The following HS6ST3 variants were observed in gnomAD, a reference collection of about 807,000 sequenced individuals.
The protein encoded by HS6ST3 is heparan-sulfate 6-O-sulfotransferase 3.
Under a neutral mutation model 36.7 loss-of-function variants are expected in HS6ST3, and 12 were observed. That is an observed-to-expected ratio of 0.33 (90% confidence interval 0.21 to 0.53). HS6ST3 has a LOEUF of 0.53. Ranked by LOEUF, HS6ST3 falls within the 20% of genes least tolerant of loss-of-function variation. The probability of loss-of-function intolerance (pLI) is 0.95; values close to 1 mark genes in which losing one functional copy is unlikely to be tolerated. For synonymous variants in HS6ST3, 240 were observed against 257.5 expected (o/e 0.93, Z 0.65); for missense variants, 584 against 640.9 (o/e 0.91, Z 0.96).
chr13:96,367,393 G>T (rs1925104), intron 1 of HS6ST3, among the ~76,000 whole-genome samples: 59,525 of 151,882 alleles, frequency 0.39, 12,331 homozygotes, highest in African/African-American at 0.52. Context: ...ATTTTTGCAC[G>T]GCTTCTTTCA....
chr13:96,379,279 G>A (rs1196614590), intron 1 of HS6ST3, among the ~76,000 whole-genome samples: 1 of 152,208 alleles, frequency 6.6e-6, no homozygotes, highest in Non-Finnish European at 1.5e-5. Context: ...TCCCTAAGGT[G>A]ATGTTATTCA....
At chr13:96,284,942 T>G (rs750134242) in intron 1 of HS6ST3, among the ~76,000 whole-genome samples, 4,278 of 150,884 alleles carry the variant, frequency 0.028, 101 homozygotes, top group African/African-American at 0.04. Context: ...TTTCTTTCTT[T>G]CTTTCTTTCT....
intron 1 of HS6ST3, among the ~76,000 whole-genome samples, chr13:96,191,531 T>C (rs1361504100): frequency 6.6e-6 from 1 of 152,230 alleles, no homozygotes; most frequent in Non-Finnish European, 1.5e-5. Context: ...ACACAAGTAG[T>C]GTTTTTCTTC....
chr13:96,432,817 C>T (rs570692881), intron 1 of HS6ST3, among the ~76,000 whole-genome samples: 2 of 152,256 alleles, frequency 1.3e-5, no homozygotes, highest in East Asian at 3.9e-4. Context: ...ACTTTATTAT[C>T]ATGTTGCATA....
chr13:96,258,426 A>G (rs548171846), intron 1 of HS6ST3, among the ~76,000 whole-genome samples: 32 of 152,306 alleles, frequency 2.1e-4, no homozygotes, highest in Middle Eastern at 3.4e-3. Flanking sequence ...AACAGAGGAA[A>G]GGCTTTTGGG....
chr13:96,202,277 A>G (rs1044532526), intron 1 of HS6ST3, among the ~76,000 whole-genome samples: 3 of 152,096 alleles, frequency 2.0e-5, no homozygotes, highest in African/African-American at 7.2e-5. Flanking sequence ...GGGGAAATGT[A>G]TTTTTCTTAT....
chr13:96,371,433 C>A (rs752029898), intron 1 of HS6ST3, among the ~76,000 whole-genome samples: 2 of 152,130 alleles, frequency 1.3e-5, no homozygotes, highest in Non-Finnish European at 2.9e-5. Flanking sequence ...ATCAACCTAT[C>A]CATCACCTCA....
chr13:96,619,878 A>C (rs992142231), intron 1 of HS6ST3, among the ~76,000 whole-genome samples: 3 of 152,206 alleles, frequency 2.0e-5, no homozygotes, highest in African/African-American at 7.2e-5. Flanking sequence ...CCCCAGCAAC[A>C]TATCAGTGGC....
chr13:96,474,969 C>T (rs1156682131), intron 1 of HS6ST3, among the ~76,000 whole-genome samples: 1 of 152,108 alleles, frequency 6.6e-6, no homozygotes, highest in African/African-American at 2.4e-5. Flanking sequence ...GCTATTGAAG[C>T]ATGTTATCTT....
intron 1 of HS6ST3, among the ~76,000 whole-genome samples, chr13:96,302,456 TCAAA>T: frequency 6.6e-6 from 1 of 152,182 alleles, no homozygotes; most frequent in Non-Finnish European, 1.5e-5. Flanking sequence ...AAGTAGGTAT[TCAAA>T]TAGATAAATG....
At chr13:96,287,292 TA>T (rs1300596328) in intron 1 of HS6ST3, among the ~76,000 whole-genome samples, 1 of 152,214 alleles carries the variant, frequency 6.6e-6, no homozygotes, top group Non-Finnish European at 1.5e-5. Context: ...AACTCTGATT[TA>T]CTTCAAGGAG....
intron 1 of HS6ST3, among the ~76,000 whole-genome samples, chr13:96,132,111 A>G (rs1283366666): frequency 1.5e-5 from 2 of 135,272 alleles, no homozygotes; most frequent in African/African-American, 5.6e-5. Flanking sequence ...CAGACTGAAT[A>G]GTATTCCAGT....
At chr13:96,669,502 T>G (rs911203196) in intron 1 of HS6ST3, among the ~76,000 whole-genome samples, 2 of 152,170 alleles carry the variant, frequency 1.3e-5, no homozygotes, top group Admixed American at 1.3e-4. Context: ...GAGCTCACAT[T>G]GAGGAAGGCT....
intron 1 of HS6ST3, among the ~76,000 whole-genome samples, chr13:96,151,616 C>T (rs768971810): frequency 1.3e-5 from 2 of 152,216 alleles, no homozygotes; most frequent in Non-Finnish European, 2.9e-5. Flanking sequence ...AAGTGCTACA[C>T]ATTGGGTGGC....
At chr13:96,681,369 C>T (rs1048732296) in intron 1 of HS6ST3, among the ~76,000 whole-genome samples, 5 of 152,056 alleles carry the variant, frequency 3.3e-5, no homozygotes, top group Admixed American at 3.3e-4. Context: ...TTCCAGTTTC[C>T]TCAGTTACAG....
At chr13:96,419,101 C>G (rs142820605) in intron 1 of HS6ST3, among the ~76,000 whole-genome samples, 1 of 152,320 alleles carries the variant, frequency 6.6e-6, no homozygotes, top group East Asian at 1.9e-4. Flanking sequence ...CCTAAAATGC[C>G]TTTATTGTGG....
intron 1 of HS6ST3, among the ~76,000 whole-genome samples, chr13:96,368,361 A>G (rs907164750): frequency 1.3e-5 from 2 of 152,156 alleles, no homozygotes; most frequent in Non-Finnish European, 2.9e-5. Flanking sequence ...TGTTGTATAT[A>G]AATGCCTATT....
intron 1 of HS6ST3, among the ~76,000 whole-genome samples, chr13:96,101,093 T>C (rs1222697752): frequency 6.6e-6 from 1 of 152,218 alleles, no homozygotes; most frequent in Non-Finnish European, 1.5e-5. Context: ...GTCATCTTAG[T>C]ACCCCAGAAT....
intron 1 of HS6ST3, among the ~76,000 whole-genome samples, chr13:96,310,156 T>C (rs183521944): frequency 3.3e-5 from 5 of 152,286 alleles, no homozygotes; most frequent in Admixed American, 1.3e-4. Context: ...AATTTTTTCT[T>C]AGTTCTTTGC....
Sources: allele counts gnomAD v4.1 joint callset (sites outside exome capture counted in the v4.1 genomes callset), GRCh38; gene constraint gnomAD v4.1.1; transcripts MANE v1.5; gene names NCBI Gene and HGNC (gene_info 2026-07-23, HGNC 2026-07-21).